The following RGS7 variants were observed in gnomAD, a reference collection of about 807,000 sequenced individuals.
RGS7 encodes regulator of G protein signaling 7.
A neutral mutation model predicts 81.1 loss-of-function variants in RGS7; 27 were observed. The observed-to-expected ratio is 0.33, with a 90% CI of 0.25 to 0.46. The LOEUF is 0.46. Among genes scored for constraint, RGS7 ranks in the 20% least tolerant of loss-of-function variants. The pLI is 1.00. For synonymous variants in RGS7, 208 were observed against 207.7 expected (o/e 1.00, Z -0.01); for missense variants, 396 against 607.4 (o/e 0.65, Z 3.66).
chr1:241,123,719 C>G (rs2066454797), intron 2 of RGS7, among the ~76,000 whole-genome samples: 1 of 152,122 alleles, frequency 6.6e-6, no homozygotes, highest in South Asian at 2.1e-4. Context: ...CCATTGCACT[C>G]CAGCCTGAGC....
rs966182573 is a variant in RGS7 at position 240,910,243 on chromosome 1, A to C, written c.385+20474T>G. ...CAGGTGTGATGTACTCCAACCATCA[A>C]AGTTCTGTGGAACACGGTTTGTATG... On this transcript the variant is annotated intron_variant, in intron 6 of 18. Coordinates refer to ENST00000440928, the MANE Select transcript of RGS7 (RefSeq NM_001364886.1). Among the ~76,000 whole-genome samples, 3 of 152,234 alleles carry C rather than the reference A, an allele frequency of 2.0e-5. No homozygotes were observed. The South Asian group carries it at 6.2e-4, about 31-fold the overall frequency.
chr1:241,126,075 T>C (rs1354108176), intron 2 of RGS7, among the ~76,000 whole-genome samples: 1 of 152,146 alleles, frequency 6.6e-6, no homozygotes, highest in Non-Finnish European at 1.5e-5. Context: ...ACAAAGAGTT[T>C]TCAAATGTGG....
chr1:241,220,978 G>GAAGAAAGAAAGAAAGAGAGAGAGA (rs1558202972), intron 2 of RGS7, among the ~76,000 whole-genome samples: 4 of 75,968 alleles, frequency 5.3e-5, no homozygotes, highest in Admixed American at 1.6e-4. Flanking sequence ...AGGAAGGAAG[G>GAAGAAAGAAAGAAAGAGAGAGAGA]AAGGAAGGAA....
intron 3 of RGS7, among the ~76,000 whole-genome samples, chr1:241,023,900 C>A (rs2059663364): frequency 1.3e-5 from 2 of 152,148 alleles, no homozygotes; most frequent in African/African-American, 4.8e-5. Flanking sequence ...CATGCGCCAC[C>A]ATGCCCGGCT....
chr1:240,788,913 G>C (rs1685503911), intron 18 of RGS7, among the ~76,000 whole-genome samples: 1 of 152,140 alleles, frequency 6.6e-6, no homozygotes, highest in African/African-American at 2.4e-5. Flanking sequence ...CAAGGTGGGT[G>C]GATCACTTGA....
chr1:241,087,688 C>T (rs2502418), intron 3 of RGS7, among the ~76,000 whole-genome samples: 29,686 of 151,904 alleles, frequency 0.2, 3,404 homozygotes, highest in African/African-American at 0.3. Context: ...GTGGCTCAGG[C>T]CTGTAACCCC....
At chr1:241,220,994 G>GAAGA (rs1491445106) in intron 2 of RGS7, among the ~76,000 whole-genome samples, 10 of 93,488 alleles carry the variant, frequency 1.1e-4, no homozygotes, top group Non-Finnish European at 1.4e-4. Flanking sequence ...AGGAAGGAAG[G>GAAGA]AAGAGAGAGA....
intron 2 of RGS7, among the ~76,000 whole-genome samples, chr1:241,128,309 T>C (rs553953390): frequency 1.5e-4 from 21 of 140,446 alleles, no homozygotes; most frequent in Non-Finnish European, 2.9e-4. Flanking sequence ...AATGGCCAGG[T>C]GCGGTGGCTC....
At chr1:240,991,388 G>T (rs1686433954) in intron 3 of RGS7, among the ~76,000 whole-genome samples, 1 of 152,152 alleles carries the variant, frequency 6.6e-6, no homozygotes, top group African/African-American at 2.4e-5. Context: ...CCACCCTCAG[G>T]ATTATTTCCT....
rs560675642 is a variant in RGS7 at position 240,857,898 on chromosome 1, A to T, written c.609+10689T>A. Among the ~76,000 whole-genome samples the T allele has an allele frequency of 2.0e-5, 3 of 152,098 alleles. No homozygotes were observed. In the South Asian group the frequency reaches 6.2e-4, roughly 32 times the overall value. ...AGTGAGTGAGTTCTCAGGAGATCTG[A>T]CGGTTTTATAAGGGGCTTCTCCCGC... On this transcript the variant is annotated intron_variant, in intron 9 of 18. Transcript: ENST00000440928.
chr1:240,853,257 G>A (rs991802344), intron 9 of RGS7, among the ~76,000 whole-genome samples: 1 of 152,126 alleles, frequency 6.6e-6, no homozygotes, highest in Non-Finnish European at 1.5e-5. Flanking sequence ...ATAAAGAATA[G>A]TTTTATCAGA....
chr1:241,098,971 TA>T (rs2064508455), intron 2 of RGS7, among the ~76,000 whole-genome samples: 1 of 152,206 alleles, frequency 6.6e-6, no homozygotes. Context: ...TAGGGCCCAT[TA>T]AGCTACCAAT....
At chr1:241,208,736 G>T (rs1022690820) in intron 2 of RGS7, among the ~76,000 whole-genome samples, 12 of 152,078 alleles carry the variant, frequency 7.9e-5, no homozygotes, top group Admixed American at 1.3e-4. Context: ...CAATCCCTGT[G>T]TTCTTTCCAA....
chr1:241,302,762 C>T (rs1414383325), intron 2 of RGS7, among the ~76,000 whole-genome samples: 1 of 152,154 alleles, frequency 6.6e-6, no homozygotes, highest in Non-Finnish European at 1.5e-5. Context: ...TTCATTTACA[C>T]TCTCTACCCT....
intron 3 of RGS7, among the ~76,000 whole-genome samples, chr1:241,083,613 T>C (rs191996325): frequency 3.3e-5 from 5 of 152,360 alleles, no homozygotes; most frequent in African/African-American, 1.2e-4. Context: ...GTCATGTCTC[T>C]TGCGGATCTA....
At chr1:241,328,993 C>T (rs933269192) in intron 2 of RGS7, among the ~76,000 whole-genome samples, 8 of 152,102 alleles carry the variant, frequency 5.3e-5, no homozygotes, top group East Asian at 1.9e-4. Flanking sequence ...TACCACTCAC[C>T]GTCACAAATA....
chr1:241,049,600 T>TTG (rs1050420775), intron 3 of RGS7, among the ~76,000 whole-genome samples: 53 of 152,252 alleles, frequency 3.5e-4, no homozygotes, highest in Middle Eastern at 3.4e-3. Context: ...TATCCCAATG[T>TTG]TGTAGGAGTC....
intron 2 of RGS7, among the ~76,000 whole-genome samples, 196 bp from the exon 3 acceptor site, chr1:241,098,958 T>C (rs944119186): frequency 6.6e-6 from 1 of 152,164 alleles, no homozygotes; most frequent in East Asian, 1.9e-4. Context: ...AAAACAGCCA[T>C]GTTAGGGCCC....
At chr1:240,807,172 T>C (rs1314010874) in intron 14 of RGS7, among the ~76,000 whole-genome samples, 2 of 152,222 alleles carry the variant, frequency 1.3e-5, no homozygotes, top group Non-Finnish European at 1.5e-5. Context: ...TAAAGTCTAG[T>C]GAGAAGGGGC....
Sources: gnomAD v4.1 joint callset for allele counts (sites outside exome capture counted in the v4.1 genomes callset) on GRCh38, gnomAD v4.1.1 for gene constraint, MANE v1.5 for transcripts, NCBI Gene and HGNC (gene_info 2026-07-23, HGNC 2026-07-21) for gene names.